AHNAK: variants seen among roughly 807,000 people sequenced by gnomAD.
AHNAK encodes the protein neuroblast differentiation-associated protein AHNAK.
In AHNAK, 23 loss-of-function variants were observed where a neutral mutation model predicts 37.8. The ratio of observed to expected loss-of-function variants is 0.61; its 90% CI spans 0.44 to 0.86. AHNAK has a LOEUF of 0.86. AHNAK is among the 40% of genes least tolerant of loss of function. The probability of loss-of-function intolerance (pLI) is 0.00; values close to 1 mark genes in which losing one functional copy is unlikely to be tolerated. For missense variants in AHNAK, 7,411 were observed against 7,319.4 expected, an observed-to-expected ratio of 1.01 and a Z score of -0.46; for synonymous variants, 2,481 against 2,636.3, an observed-to-expected ratio of 0.94 and a Z score of 1.80.
intron 5 of AHNAK, among the ~76,000 whole-genome samples, chr11:62,460,770 A>G (rs1938765137): frequency 6.6e-6 from 1 of 152,114 alleles, no homozygotes. Context: ...GGTCTCAGGT[A>G]TCCTGGAGAC....
intron 3 of AHNAK, among the ~76,000 whole-genome samples, 184 bp from the exon 4 acceptor site, chr11:62,535,374 T>A (rs1940910052): frequency 6.6e-6 from 1 of 152,032 alleles, no homozygotes; most frequent in Non-Finnish European, 1.5e-5. Flanking sequence ...GGGGGCCAGG[T>A]GCAGTGGCTC....
intron 4 of AHNAK, among the ~76,000 whole-genome samples, chr11:62,493,658 G>T (rs1456584950): frequency 2.0e-5 from 3 of 151,268 alleles, no homozygotes; most frequent in Non-Finnish European, 2.9e-5. Flanking sequence ...TAAGAGATGG[G>T]GGGGGTCCCA....
chr11:62,486,388 G>A (rs572280159), intron 5 of AHNAK, among the ~76,000 whole-genome samples: 4 of 151,944 alleles, frequency 2.6e-5, no homozygotes, highest in African/African-American at 7.2e-5. Context: ...CAGGAGAATC[G>A]CTTGAACCCA....
chr11:62,539,421 C>G (rs1439705462), intron 1 of AHNAK, among the ~76,000 whole-genome samples: 2 of 152,236 alleles, frequency 1.3e-5, no homozygotes, highest in Non-Finnish European at 2.9e-5. Context: ...GCCAGCTCAC[C>G]CTCGCCCACA....
At chr11:62,477,963 C>T (rs571031397) in intron 5 of AHNAK, among the ~76,000 whole-genome samples, 47 of 152,204 alleles carry the variant, frequency 3.1e-4, no homozygotes, top group African/African-American at 1.1e-3. Flanking sequence ...GTACAGAGGC[C>T]TCTGGAACAT....
At chr11:62,546,553 G>C (rs927458377) in intron 1 of AHNAK, 107 bp downstream of exon 1, 9 of 152,204 alleles carry the variant, frequency 5.9e-5, no homozygotes, top group African/African-American at 2.2e-4. Flanking sequence ...TCCTCACAGT[G>C]ACACCCCCAA....
rs1938107257 is a variant in AHNAK at position 62,434,005 on chromosome 11, T to G, written c.443-114A>C. ...ACTGAAAGAAGGTCCCCCCACTCCT[T>G]GCTAGGGCATCCAAACAAATGCTTG... On this transcript the variant is annotated intron_variant, in intron 5 of 5. Coordinates refer to the AHNAK transcript ENST00000257247. 4.5e-6 allele frequency: 6 copies of G among 1,320,458 alleles called. No homozygotes were observed. The South Asian group carries it at 8.3e-5, about 18-fold the overall frequency. 81.8% of individuals were successfully genotyped at this position (1,320,458 alleles called of 1,614,324 possible). A position where few individuals can be genotyped will look rare whatever the true frequency, so the allele number is the denominator to read the frequency against.
rs141947650 is a variant in AHNAK at position 62,528,303 on chromosome 11, A to C, written c.6114T>G (p.Asp2038Glu). ...PKMDIDAPDV[D>E]VHGPDWHLKM... ...TCAGGTGCCAGTCTGGGCCATGAAC[A>C]TCCACATCTGGGGCATCAATGTCCA... Residue 2038 changes from aspartate (D) to glutamate (E), a missense_variant, in exon 5 of 5, where the codon GAT becomes GAG. By Grantham distance (45) the Asp-to-Glu change is conservative. Coordinates refer to ENST00000378024, the MANE Select transcript of AHNAK (RefSeq NM_001620.3). 155 of 1,614,052 alleles carry C rather than the reference A, an allele frequency of 9.6e-5. No homozygotes were observed. The African/African-American group carries it at 1.6e-3, about 17-fold the overall frequency.
rs770966517 is a variant in AHNAK at position 62,523,445 on chromosome 11, T to C, written c.10972A>G (p.Lys3658Glu). Residue 3658 changes from lysine (K) to glutamate (E), a missense_variant, in exon 5 of 5, where the codon AAG becomes GAG. Lys to Glu is a moderately conservative substitution (Grantham distance 56, BLOSUM62 1). Transcript: ENST00000378024. ...ATGTTCATCTCAGGCATCTTGAACT[T>C]GGGGCCCTTCAGCTTTGCATCTGGA... The part of the protein sequence containing the change: ...EGPDAKLKGP[K>E]FKMPEMNIKA... 1.9e-6 allele frequency: 3 copies of C among 1,613,130 alleles called. No individual in the cohort carries two copies. In the South Asian group the frequency reaches 3.3e-5, roughly 18 times the overall value.
At chr11:62,494,598 G>C (rs574359065) in intron 4 of AHNAK, among the ~76,000 whole-genome samples, 1 of 152,200 alleles carries the variant, frequency 6.6e-6, no homozygotes, top group South Asian at 2.1e-4. Flanking sequence ...CAGGCACAAT[G>C]GCTCACACCT....
In AHNAK at chr11:62,518,688, GA is replaced by G. The variant is rs747040326; in HGVS notation, c.15728del (p.Ile5243ThrfsTer4). On this transcript the variant is annotated frameshift_variant, in exon 5 of 5. Transcript: ENST00000378024. LOFTEE classifies it high-confidence loss of function. ...FPKFSMPKIG[I>X]PGVKMEGGGA... is the part of the protein sequence containing the mutation. ...CCCCACCCTCCATTTTCACACCTGGGATGCCGATCTTGGGCATGGAAAACTT... is the reference window on the plus strand; with the variant it reads ...CCCCACCCTCCATTTTCACACCTGGGTGCCGATCTTGGGCATGGAAAACTT... 2 of 1,614,156 alleles carry G rather than the reference GA, an allele frequency of 1.2e-6. No homozygotes were observed. The highest frequency in any genetic ancestry group is 1.7e-6 in the Non-Finnish European group (2 of 1,180,034).
In AHNAK at chr11:62,529,485, A is replaced by C; in HGVS notation, c.4932T>G (p.Pro1644=). The change falls in exon 5 of 5, where the codon CCT becomes CCG. Residue 1644 remains proline, a synonymous_variant. Coordinates refer to ENST00000378024, the MANE Select transcript of AHNAK (RefSeq NM_001620.3). ...GKLKGPKFKM[P]EMHFKAPKIS... is the part of the protein sequence containing the mutation. ...TCTTGGGGGCCTTGAAATGCATCTC[A>C]GGCATCTTAAACTTGGGGCCCTTCA... The C allele has an allele frequency of 1.2e-6, 2 of 1,614,068 alleles. No homozygotes were observed. Among genetic ancestry groups the C allele is most frequent in the Non-Finnish European group, 1.7e-6 (2 of 1,179,988 alleles).
intron 5 of AHNAK, among the ~76,000 whole-genome samples, chr11:62,435,062 C>G (rs1036924513): frequency 2.0e-5 from 3 of 152,092 alleles, no homozygotes; most frequent in Non-Finnish European, 4.4e-5. Flanking sequence ...ACCTGCTCAC[C>G]CTTCCCAAAC....
At chr11:62,492,014 A>G (rs1939512692) in intron 4 of AHNAK, among the ~76,000 whole-genome samples, 1 of 152,152 alleles carries the variant, frequency 6.6e-6, no homozygotes, top group African/African-American at 2.4e-5. Flanking sequence ...TGTAGAGAAG[A>G]TAACAGAGAA....
At position 62,518,611 on chromosome 11, in the gene AHNAK, G is replaced by A. The variant is rs1187385062; in HGVS notation, c.15806C>T (p.Pro5269Leu). 1 of 1,614,182 alleles carries A rather than the reference G, an allele frequency of 6.2e-7. No homozygotes were observed. Among genetic ancestry groups the A allele is most frequent in the Middle Eastern group, 1.6e-4 (1 of 6,062 alleles). ...ATCGGGCCCTTCGAGCTTAACATCT[G>A]GTCCTCTCAAGTCTCCTTCAAGAGA... ...LPSLEGDLRGPDVKLEGPDVS... is the reference protein window; with the variant it reads ...LPSLEGDLRGLDVKLEGPDVS... The change falls in exon 5 of 5, where the codon CCA becomes CTA. Residue 5269 changes from proline (P) to leucine (L), a missense_variant. Physicochemically the swap from Pro to Leu is moderately conservative, Grantham distance 98. Transcript: ENST00000378024.
At chr11:62,499,752 A>T (rs1164862308) in intron 4 of AHNAK, among the ~76,000 whole-genome samples, 1 of 152,206 alleles carries the variant, frequency 6.6e-6, no homozygotes, top group East Asian at 1.9e-4. Flanking sequence ...TAGAATGATG[A>T]TGGCTGAGAG....
At chr11:62,538,452 C>T (rs1941022911) in intron 1 of AHNAK, among the ~76,000 whole-genome samples, 1 of 152,208 alleles carries the variant, frequency 6.6e-6, no homozygotes, top group South Asian at 2.1e-4. Flanking sequence ...CACAAAATGG[C>T]GGCAGCAGCC....
Position 62,531,677 on chromosome 11 carries a change from C to T in AHNAK, c.2740G>A (p.Gly914Ser). 6.2e-7 allele frequency: 1 copy of T among 1,614,050 alleles called. No individual in the cohort carries two copies. ...ADVDISGPKVGVEVPDVNIEG... is the reference protein window; with the variant it reads ...ADVDISGPKVSVEVPDVNIEG... The stretch of plus-strand genomic sequence containing the variant: ...ATATTCACATCTGGAACTTCAACAC[C>T]CACCTTGGGTCCTGAGATGTCCACA... Residue 914 changes from glycine to serine, a missense_variant, in exon 5 of 5, where the codon GGT becomes AGT. Gly to Ser is a moderately conservative substitution (Grantham distance 56, BLOSUM62 0). Transcript: ENST00000378024.
rs774597723 is a variant in AHNAK at position 62,532,116 on chromosome 11, T to G, written c.2301A>C (p.Pro767=). 1 of 1,613,900 alleles carries G rather than the reference T, an allele frequency of 6.2e-7. No homozygotes were observed. Among genetic ancestry groups the G allele is most frequent in the Non-Finnish European group, 8.5e-7 (1 of 1,179,984 alleles). The change falls in exon 5 of 5, where the codon CCA becomes CCC. Residue 767 remains proline (P), a synonymous_variant. Coordinates refer to ENST00000378024, the MANE Select transcript of AHNAK (RefSeq NM_001620.3). The stretch of plus-strand genomic sequence containing the variant: ...CCTTGGGCAGGTTCACATCCACTTC[T>G]GGGCCCTCTGCTTTGAACCCTGGCA... ...FSVPGFKAEG[P]EVDVNLPKAD... is the part of the protein sequence containing the mutation.
Sources: allele counts gnomAD v4.1 joint callset (sites outside exome capture counted in the v4.1 genomes callset), GRCh38; gene constraint gnomAD v4.1.1; transcripts MANE v1.5; gene names NCBI Gene and HGNC (gene_info 2026-07-23, HGNC 2026-07-21).